The following BCOR variants were observed in gnomAD, a reference collection of about 807,000 sequenced individuals.
The protein encoded by BCOR is BCL-6 corepressor.
BCOR carries 10 observed loss-of-function variants against 86.7 expected under a neutral mutation model. The ratio of observed to expected loss-of-function variants is 0.12; its 90% CI spans 0.07 to 0.20. BCOR has a LOEUF of 0.20. BCOR is among the 10% of genes least tolerant of loss of function. BCOR has a pLI of 1.00. For missense variants in BCOR, 1,259 were observed against 1,452.1 expected, an observed-to-expected ratio of 0.87 and a Z score of 2.16; for synonymous variants, 611 against 609.0, an observed-to-expected ratio of 1.00 and a Z score of -0.05.
chrX:40,170,236 G>GGTCCA (rs1026431812), intron 1 of BCOR, among the ~76,000 whole-genome samples: 11 of 112,183 alleles, frequency 9.8e-5, no homozygotes, highest in Admixed American at 9.4e-4. Flanking sequence ...GACGTCCTTC[G>GGTCCA]GTCCTGGGGC....
At chrX:40,126,527 A>AG (rs1288225040) in intron 1 of BCOR, among the ~76,000 whole-genome samples, 4 of 104,185 alleles carry the variant, frequency 3.8e-5, no homozygotes, top group African/African-American at 1.5e-4. Context: ...TCCGTCAAAA[A>AG]AAAAAAAAAA....
intron 1 of BCOR, among the ~76,000 whole-genome samples, chrX:40,171,117 C>T (rs1002971323): frequency 8.9e-6 from 1 of 112,066 alleles, no homozygotes; most frequent in African/African-American, 3.2e-5. Context: ...GTGAAGCCAG[C>T]CTGCTCCTGC....
intron 1 of BCOR, among the ~76,000 whole-genome samples, chrX:40,090,447 T>G (rs1467562939): frequency 2.9e-4 from 33 of 112,574 alleles, no homozygotes; most frequent in Admixed American, 2.9e-3. Flanking sequence ...CCCACCCAGT[T>G]CGGGGAGGGG....
At chrX:40,145,109 G>A (rs1164038985) in intron 1 of BCOR, among the ~76,000 whole-genome samples, 1 of 110,378 alleles carries the variant, frequency 9.1e-6, no homozygotes, top group African/African-American at 3.3e-5. Flanking sequence ...ACAAGCCCCT[G>A]GAAGAGGACT....
At chrX:40,102,485 T>C (rs1445149159), upstream of BCOR, among the ~76,000 whole-genome samples, 2 of 113,951 alleles carry the variant, frequency 1.8e-5, no homozygotes, top group Admixed American at 1.8e-4. Flanking sequence ...CGGGTGCTCC[T>C]GCAGATAAAC....
chrX:40,063,496 G>A (rs1463972904), intron 8 of BCOR, 112 bp downstream of exon 8: 2 of 612,548 alleles, frequency 3.3e-6, no homozygotes, highest in Non-Finnish European at 5.2e-6. Flanking sequence ...CATCTTCGTT[G>A]AAGTCAATTG....
At chrX:40,067,354 TG>T (rs774516147) in intron 6 of BCOR, among the ~76,000 whole-genome samples, 65 of 111,682 alleles carry the variant, frequency 5.8e-4, no homozygotes, top group Non-Finnish European at 1.0e-3. Context: ...AGCTGCCCAG[TG>T]GGGGTGGGGA....
intron 1 of BCOR, among the ~76,000 whole-genome samples, chrX:40,124,644 C>G (rs1937521071): frequency 9.1e-6 from 1 of 110,158 alleles, no homozygotes; most frequent in African/African-American, 3.3e-5. Context: ...ACTCTGTCAC[C>G]CAGGCTGGAA....
At position 40,063,888 on chromosome X, in the gene BCOR, A is replaced by C; in HGVS notation, c.3567T>G (p.Ser1189Arg). The change falls in exon 8 of 15, where the codon AGT becomes AGG. Residue 1189 changes from serine to arginine, a missense_variant. Physicochemically the swap from Ser to Arg is moderately radical, Grantham distance 110. This residue lies in a region of BCOR where 305 missense variants were observed against 286.1 expected (regional missense o/e 1.07). Coordinates refer to ENST00000378444, the MANE Select transcript of BCOR (RefSeq NM_001123385.2). ...TGCACACCTTCAGGTTGGTCAGCTC[A>C]CTATAATGTGGGTCTTCTAAGTGGT... ...SSNHLEDPHYSELTNLKVCIE... is the reference protein window; with the variant it reads ...SSNHLEDPHYRELTNLKVCIE... 3 of 1,211,680 alleles carry C rather than the reference A, an allele frequency of 2.5e-6. No individual in the cohort carries two copies. The highest frequency in any genetic ancestry group is 3.4e-6 in the Non-Finnish European group (3 of 895,334).
intron 1 of BCOR, among the ~76,000 whole-genome samples, chrX:40,154,974 A>G (rs922585525): frequency 7.4e-4 from 82 of 110,599 alleles, no homozygotes; most frequent in African/African-American, 2.3e-3. Context: ...GCACACACAC[A>G]CACGCACGCG....
chrX:40,094,667 A>G (rs943770688), intron 1 of BCOR, among the ~76,000 whole-genome samples: 6 of 113,131 alleles, frequency 5.3e-5, no homozygotes, highest in African/African-American at 1.9e-4. Flanking sequence ...CGAGTTAAAG[A>G]CACAGTGGAG....
rs1480844281 is a variant in BCOR, at chrX:40,097,252, G to A, written c.-78C>T. The A allele has an allele frequency of 7.8e-5, 8 of 102,200 alleles. No individual in the cohort carries two copies. Among genetic ancestry groups the A allele is most frequent in the Non-Finnish European group, 8.0e-5 (4 of 50,003 alleles). The allele number at this position is 102,200 out of a possible 1,213,427, so 8.4% of individuals were successfully genotyped here. A position where few individuals can be genotyped will look rare whatever the true frequency, so the allele number is the denominator to read the frequency against. On this transcript the variant is annotated 5_prime_UTR_variant, in exon 1 of 15. Coordinates refer to ENST00000378444, the MANE Select transcript of BCOR (RefSeq NM_001123385.2). ...GTGGGGGAGTAGGCAGGGAGCCTGC[G>A]ATCCGGCTCTTTGAAGTTTTCCCCC... is the stretch of plus-strand genomic sequence containing the variant.
Position 40,079,146 on chromosome X carries a change from C to T in BCOR, c.-40-1177G>A, listed in dbSNP as rs1040252726. Among the ~76,000 whole-genome samples, 28 of 111,307 alleles carry T rather than the reference C, an allele frequency of 2.5e-4. 1 individual carries two copies. In the Admixed American group the frequency reaches 2.6e-3, roughly 10 times the overall value. ...CGGCCATGGCATTTTTCCACGGGAC[C>T]CAAACCTGGGTGTGAAATAATTGGT... On this transcript the variant is annotated intron_variant, in intron 1 of 14. Coordinates refer to ENST00000378444, the MANE Select transcript of BCOR (RefSeq NM_001123385.2).
intron 1 of BCOR, among the ~76,000 whole-genome samples, chrX:40,152,885 G>A (rs777721579): frequency 3.1e-4 from 35 of 113,362 alleles, no homozygotes; most frequent in African/African-American, 1.0e-3. Flanking sequence ...ACAGAATGAG[G>A]AAGGGAAAAG....
intron 14 of BCOR, among the ~76,000 whole-genome samples, chrX:40,052,929 T>C (rs1358648112): frequency 8.9e-6 from 1 of 111,901 alleles, no homozygotes; most frequent in Non-Finnish European, 1.9e-5. Context: ...TGGACTCATC[T>C]GTCCATCTAG....
intron 13 of BCOR, 59 bp from the exon 14 acceptor site, chrX:40,054,101 T>C (rs1602105640): frequency 3.4e-6 from 4 of 1,167,955 alleles, no homozygotes; most frequent in African/African-American, 3.5e-5. Flanking sequence ...ATGTCCACAG[T>C]TGTCAACAAC....
At chrX:40,113,168 C>G (rs1289175865) in intron 1 of BCOR, among the ~76,000 whole-genome samples, 1 of 103,106 alleles carries the variant, frequency 9.7e-6, no homozygotes, top group Admixed American at 1.1e-4. Context: ...AACGTGGCAG[C>G]TAGAAAGATC....
chrX:40,080,659 TG>T (rs1185298379), intron 1 of BCOR, among the ~76,000 whole-genome samples: 3 of 111,392 alleles, frequency 2.7e-5, no homozygotes, highest in Admixed American at 9.5e-5. Flanking sequence ...CTGGGCCTAC[TG>T]GGTGCTTTCA....
rs7892685 is a variant in BCOR, at chrX:40,165,272, G to T, written c.-41+11735C>A. On this transcript the variant is annotated intron_variant, in intron 1 of 14. Coordinates refer to the BCOR transcript ENST00000342274. ...ATAGCAAAGAGACGCAGGCAACCCCGCTTCCCCTCCCCGCCCTGCCAAATG... is the reference window on the plus strand; with the variant it reads ...ATAGCAAAGAGACGCAGGCAACCCCTCTTCCCCTCCCCGCCCTGCCAAATG... Among the ~76,000 whole-genome samples the T allele has an allele frequency of 2.3e-3, 254 of 111,072 alleles. 10 individuals are homozygous for T. In the East Asian group the frequency reaches 0.065, roughly 28 times the overall value.
Sources: allele counts gnomAD v4.1 joint callset (sites outside exome capture counted in the v4.1 genomes callset), GRCh38; gene constraint gnomAD v4.1.1; regional missense constraint gnomAD v4.1.1; transcripts MANE v1.5; gene names NCBI Gene and HGNC (gene_info 2026-07-23, HGNC 2026-07-21).